The following GRIA4 variants were observed in gnomAD, a reference collection of about 807,000 sequenced individuals.
GRIA4 encodes the protein glutamate ionotropic receptor AMPA type subunit 4, also known as glutamate receptor 4.
GRIA4 carries 34 observed loss-of-function variants against 104.0 expected under a neutral mutation model. The observed-to-expected ratio is 0.33, with a 90% CI of 0.25 to 0.44. The LOEUF (loss-of-function observed/expected upper bound fraction) is 0.44, where lower values mean the gene tolerates loss of function less well. GRIA4 is among the 20% of genes least tolerant of loss of function. The pLI is 1.00. For synonymous variants in GRIA4, 386 were observed against 381.9 expected, an observed-to-expected ratio of 1.01 and a Z score of -0.13; for missense variants, 750 against 1,096.5, an observed-to-expected ratio of 0.68 and a Z score of 4.46.
chr11:105,947,343 G>A (rs1159238530), intron 14 of GRIA4, among the ~76,000 whole-genome samples: 1 of 152,002 alleles, frequency 6.6e-6, no homozygotes, highest in Non-Finnish European at 1.5e-5. Context: ...CCAGGCATAC[G>A]GACTCTCCAC....
intron 3 of GRIA4, among the ~76,000 whole-genome samples, chr11:105,649,825 A>G (rs928539463): frequency 1.1e-4 from 16 of 152,206 alleles, no homozygotes; most frequent in Admixed American, 8.5e-4. Flanking sequence ...AGATTTGAGC[A>G]TTATTTTTAA....
chr11:105,693,661 G>T (rs1436520105), intron 3 of GRIA4, among the ~76,000 whole-genome samples: 1 of 152,132 alleles, frequency 6.6e-6, no homozygotes, highest in African/African-American at 2.4e-5. Context: ...CAGAGCACAA[G>T]TATTCATATT....
chr11:105,674,952 G>T (rs1324783869), intron 3 of GRIA4, among the ~76,000 whole-genome samples: 3 of 151,870 alleles, frequency 2.0e-5, no homozygotes, highest in Non-Finnish European at 4.4e-5. Context: ...AGAGACTTGT[G>T]AAGAATTGAA....
chr11:105,679,546 T>A (rs534374581), intron 3 of GRIA4, among the ~76,000 whole-genome samples: 29 of 152,136 alleles, frequency 1.9e-4, no homozygotes, highest in Non-Finnish European at 3.5e-4. Context: ...CAGAAGAGAA[T>A]GTAAAGTCCC....
At chr11:105,631,892 G>C (rs1951044365) in intron 3 of GRIA4, among the ~76,000 whole-genome samples, 1 of 152,116 alleles carries the variant, frequency 6.6e-6, no homozygotes, top group Admixed American at 6.6e-5. Context: ...GTTTAATCTT[G>C]AATGAATGAG....
chr11:105,917,630 A>G (rs1947441897), intron 10 of GRIA4, among the ~76,000 whole-genome samples: 1 of 152,160 alleles, frequency 6.6e-6, no homozygotes, highest in Non-Finnish European at 1.5e-5. Flanking sequence ...ATAATGTTGT[A>G]GCCAAAGGTG....
intron 3 of GRIA4, among the ~76,000 whole-genome samples, chr11:105,689,616 T>C (rs1953014800): frequency 6.6e-6 from 1 of 152,210 alleles, no homozygotes; most frequent in Non-Finnish European, 1.5e-5. Context: ...TACTATTATT[T>C]AGAGAATTAA....
At chr11:105,632,584 C>A (rs1320538037) in intron 3 of GRIA4, among the ~76,000 whole-genome samples, 3 of 152,238 alleles carry the variant, frequency 2.0e-5, no homozygotes, top group South Asian at 2.1e-4. Flanking sequence ...ATGGGAATGA[C>A]AACTTGCCTT....
intron 3 of GRIA4, among the ~76,000 whole-genome samples, chr11:105,659,839 G>A (rs1591519003): frequency 6.6e-6 from 1 of 151,802 alleles, no homozygotes; most frequent in Non-Finnish European, 1.5e-5. Context: ...AGAGGAAAGA[G>A]AGAGATGAAT....
In GRIA4 at chr11:105,612,374, A is replaced by G; in HGVS notation, c.187A>G (p.Asn63Asp). ...CCCCAATGCGTCGGAAGCTCCTTTT[A>G]ATTTGGTACCTCATGTGGACAACAT... ...TSPNASEAPFNLVPHVDNIET... is the reference protein window; with the variant it reads ...TSPNASEAPFDLVPHVDNIET... Residue 63 changes from asparagine to aspartate, a missense_variant, in exon 3 of 17, where the codon AAT becomes GAT. By Grantham distance (23) the Asn-to-Asp change is conservative (BLOSUM62 1). Around this residue, in one of 3 missense-constraint regions of GRIA4, gnomAD observed 410 missense variants for 502.7 expected, o/e 0.82. Transcript: ENST00000282499. The G allele has an allele frequency of 6.2e-7, 1 of 1,614,126 alleles. No homozygotes were observed. Among genetic ancestry groups the G allele is most frequent in the Non-Finnish European group, 8.5e-7 (1 of 1,179,986 alleles).
At position 105,875,188 on chromosome 11, in the gene GRIA4, T is replaced by C. The variant is rs534718937; in HGVS notation, c.673-12331T>C. Among the ~76,000 whole-genome samples the C allele has an allele frequency of 2.6e-5, 4 of 152,320 alleles. No individual in the cohort carries two copies. In the South Asian group the frequency reaches 8.3e-4, roughly 32 times the overall value. ...TGAGATAATCATGTGGTTTTTGTTA[T>C]TGGTTCTGTTTATGTGATAGATTAT... On this transcript the variant is annotated intron_variant, in intron 5 of 16. Transcript: ENST00000282499.
chr11:105,951,498 TAAC>T (rs955012505), intron 14 of GRIA4, among the ~76,000 whole-genome samples: 38 of 152,296 alleles, frequency 2.5e-4, no homozygotes, highest in African/African-American at 8.7e-4. Flanking sequence ...AGCACAGTGA[TAAC>T]AACAAGGGAA....
intron 3 of GRIA4, among the ~76,000 whole-genome samples, chr11:105,717,231 C>T (rs77737479): frequency 1.3e-5 from 2 of 152,112 alleles, no homozygotes; most frequent in East Asian, 3.9e-4. Flanking sequence ...TTTTAAAATT[C>T]ATTCTTTCAT....
chr11:105,974,682 T>G, intron 16 of GRIA4: 1 of 945,518 alleles, frequency 1.1e-6, no homozygotes, highest in African/African-American at 1.7e-5. Flanking sequence ...AAAACTTCAG[T>G]GCAAATTGGT....
chr11:105,919,817 T>A (rs769090761), intron 11 of GRIA4, among the ~76,000 whole-genome samples: 13 of 152,156 alleles, frequency 8.5e-5, no homozygotes, highest in Non-Finnish European at 2.9e-5. Flanking sequence ...CGAAATGTAA[T>A]ATGAAATTTC....
chr11:105,770,070 T>A (rs550653868), intron 4 of GRIA4, among the ~76,000 whole-genome samples: 1 of 152,194 alleles, frequency 6.6e-6, no homozygotes, highest in East Asian at 1.9e-4. Flanking sequence ...ATCCTTTATA[T>A]TACTTTTTGG....
chr11:105,850,821 T>C (rs903481494), intron 4 of GRIA4, among the ~76,000 whole-genome samples: 3 of 152,146 alleles, frequency 2.0e-5, no homozygotes, highest in Admixed American at 6.6e-5. Flanking sequence ...CTTGGAAATA[T>C]CATTGTATCC....
At chr11:105,821,119 G>A (rs1943561234) in intron 4 of GRIA4, among the ~76,000 whole-genome samples, 1 of 151,996 alleles carries the variant, frequency 6.6e-6, no homozygotes, top group African/African-American at 2.4e-5. Context: ...AGCTCACTCA[G>A]TTTCAACACT....
At chr11:105,881,821 CCTCCTAAATCT>C (rs1946073344) in intron 5 of GRIA4, among the ~76,000 whole-genome samples, 1 of 152,076 alleles carries the variant, frequency 6.6e-6, no homozygotes, top group Admixed American at 6.6e-5. Flanking sequence ...TACCTAGCCT[CCTCCTAAATCT>C]CATCTCACAC....
Sources: allele counts gnomAD v4.1 joint callset (sites outside exome capture counted in the v4.1 genomes callset), GRCh38; gene constraint gnomAD v4.1.1; regional missense constraint gnomAD v4.1.1; transcripts MANE v1.5; gene names NCBI Gene and HGNC (gene_info 2026-07-23, HGNC 2026-07-21).